RNF216: variants seen among roughly 807,000 people sequenced by gnomAD.
RNF216 encodes the protein E3 ubiquitin-protein ligase RNF216.
In RNF216, 72 loss-of-function variants were observed where a neutral mutation model predicts 110.8. That is an observed-to-expected ratio of 0.65 (90% CI 0.54 to 0.79). The LOEUF (loss-of-function observed/expected upper bound fraction) is 0.79, where lower values mean the gene tolerates loss of function less well. Among genes scored for constraint, RNF216 ranks in the 30% least tolerant of loss-of-function variants. The pLI is 0.00. For missense variants in RNF216, 1,342 were observed against 1,141.2 expected, an observed-to-expected ratio of 1.18 and a Z score of -2.54; for synonymous variants, 495 against 407.5, an observed-to-expected ratio of 1.21 and a Z score of -2.59.
chr7:5,708,089 C>T (rs981587610), intron 13 of RNF216, among the ~76,000 whole-genome samples: 1 of 152,150 alleles, frequency 6.6e-6, no homozygotes, highest in African/African-American at 2.4e-5. Flanking sequence ...AGTGTATCGC[C>T]TTGTGGCTGG....
intron 9 of RNF216, among the ~76,000 whole-genome samples, chr7:5,718,707 T>C (rs1223189033): frequency 6.6e-6 from 1 of 152,112 alleles, no homozygotes; most frequent in South Asian, 2.1e-4. Context: ...TGTGCCACCA[T>C]GCCCAGCTAA....
In RNF216 at chr7:5,711,772, G is replaced by A. The variant is rs759994976; in HGVS notation, c.2050C>T (p.His684Tyr). 3.7e-6 allele frequency: 6 copies of A among 1,613,306 alleles called. No individual in the cohort carries two copies. Among genetic ancestry groups the A allele is most frequent in the Admixed American group, 1.7e-5 (1 of 59,906 alleles). ...ATGTGCCTCCCTACCTTTCGGCAGT[G>A]AGGATTAGGACAGCTGAACCTCTTC... is the stretch of plus-strand genomic sequence containing the variant. ...DVKRFSCPNP[H>Y]CRKETCRKCQ... The change falls in exon 13 of 17, where the codon CAC becomes TAC. Residue 684 changes from histidine to tyrosine, a missense_variant. Transcript: ENST00000389902.
At chr7:5,775,923 T>C (rs145235855) in intron 1 of RNF216, among the ~76,000 whole-genome samples, 3 of 151,984 alleles carry the variant, frequency 2.0e-5, no homozygotes, top group African/African-American at 4.8e-5. Context: ...TGGAAGAAGA[T>C]GACATGCCCG....
At chr7:5,726,965 G>A (rs1197461635) in intron 7 of RNF216, among the ~76,000 whole-genome samples, 1 of 152,050 alleles carries the variant, frequency 6.6e-6, no homozygotes, top group Non-Finnish European at 1.5e-5. Flanking sequence ...AGGCCATTCC[G>A]CCTGCAAGAG....
chr7:5,738,842 GA>G, intron 5 of RNF216, among the ~76,000 whole-genome samples: 1 of 151,862 alleles, frequency 6.6e-6, no homozygotes, highest in African/African-American at 2.4e-5. Context: ...TCAACGCTTA[GA>G]AACAACTCAG....
intron 13 of RNF216, among the ~76,000 whole-genome samples, chr7:5,656,793 G>A (rs184232851): frequency 1.2e-4 from 18 of 152,326 alleles, no homozygotes; most frequent in Admixed American, 1.1e-3. Flanking sequence ...GAATAAAGCA[G>A]AAGATTAAAT....
At chr7:5,634,741 G>A (rs184760320) in intron 15 of RNF216, among the ~76,000 whole-genome samples, 1 of 152,340 alleles carries the variant, frequency 6.6e-6, no homozygotes, top group African/African-American at 2.4e-5. Context: ...GTCCCGTCAG[G>A]GTCAAGTGCT....
chr7:5,687,407 A>G (rs980150155), intron 13 of RNF216, among the ~76,000 whole-genome samples: 1 of 151,364 alleles, frequency 6.6e-6, no homozygotes, highest in Non-Finnish European at 1.5e-5. Context: ...AAAAAAAAAA[A>G]AAAAAAAGAA....
At chr7:5,698,315 C>CCCCA (rs1483597417) in intron 13 of RNF216, among the ~76,000 whole-genome samples, 2 of 151,842 alleles carry the variant, frequency 1.3e-5, no homozygotes, top group Non-Finnish European at 2.9e-5. Flanking sequence ...CAACACAGAA[C>CCCCA]CCCAGGCTTC....
rs758182400 is a variant in RNF216, at chr7:5,741,811, T to C, written c.206A>G (p.Asn69Ser). ...ATTGGGTCGTGATCTCTGAGGTTTATTTGTCTAAGAAAAAATGAAATTTTA... is the reference window on the plus strand; with the variant it reads ...ATTGGGTCGTGATCTCTGAGGTTTACTTGTCTAAGAAAAAATGAAATTTTA... ...LDDDVILTETNKPQRSRPNLI... is the reference protein window; with the variant it reads ...LDDDVILTETSKPQRSRPNLI... The change falls in exon 4 of 17, where the codon AAT (asparagine) becomes AGT (serine). Residue 69 changes from asparagine (N) to serine (S), a missense_variant. Transcript: ENST00000389902. The C allele has an allele frequency of 4.4e-6, 7 of 1,592,018 alleles. No homozygotes were observed. The African/African-American group carries it at 5.4e-5, about 12-fold the overall frequency.
chr7:5,714,010 T>C (rs1792884896), intron 11 of RNF216, among the ~76,000 whole-genome samples: 1 of 152,236 alleles, frequency 6.6e-6, no homozygotes, highest in Non-Finnish European at 1.5e-5. Context: ...ACTTTATTTA[T>C]TTATTTTTCT....
At chr7:5,751,685 C>T (rs1209451981) in intron 3 of RNF216, among the ~76,000 whole-genome samples, 1 of 152,094 alleles carries the variant, frequency 6.6e-6, no homozygotes, top group Non-Finnish European at 1.5e-5. Context: ...TTTGAAAGGA[C>T]TTTGCTTCTG....
intron 1 of RNF216, among the ~76,000 whole-genome samples, chr7:5,779,269 G>A (rs112351486): frequency 1.3e-5 from 2 of 152,014 alleles, no homozygotes; most frequent in African/African-American, 2.4e-5. Flanking sequence ...TTTCTCCACA[G>A]GGGCTTCAGG....
chr7:5,713,876 G>A (rs184070354), intron 11 of RNF216, among the ~76,000 whole-genome samples: 1 of 152,232 alleles, frequency 6.6e-6, no homozygotes, highest in Middle Eastern at 3.2e-3. Context: ...CCATTTTACA[G>A]AGGAAGAAAC....
intron 1 of RNF216, among the ~76,000 whole-genome samples, chr7:5,768,890 T>A (rs1202568750): frequency 6.6e-6 from 1 of 151,818 alleles, no homozygotes; most frequent in East Asian, 1.9e-4. Context: ...CTTGATCTCC[T>A]GACCTCGTGA....
rs774186144 is a variant in RNF216 at position 5,739,328 on chromosome 7, T to A, written c.1069A>T (p.Asn357Tyr). The change falls in exon 5 of 17, where the codon AAT (asparagine) becomes TAT (tyrosine). Residue 357 changes from asparagine to tyrosine, a missense_variant. Physicochemically the swap from Asn to Tyr is moderately radical, Grantham distance 143 (BLOSUM62 -2). Coordinates refer to ENST00000389902, the MANE Select transcript of RNF216 (RefSeq NM_207111.4). ...TGAATTATTTCCTCAATAAACCCATTTGCTACATCTGGAAATCTTGCTTCC... is the reference window on the plus strand; with the variant it reads ...TGAATTATTTCCTCAATAAACCCATATGCTACATCTGGAAATCTTGCTTCC... ...ETEARFPDVA[N>Y]GFIEEIIHFK... The A allele has an allele frequency of 6.3e-7, 1 of 1,598,962 alleles. No individual in the cohort carries two copies. Among genetic ancestry groups the A allele is most frequent in the South Asian group, 1.1e-5 (1 of 87,424 alleles).
At chr7:5,769,415 C>T (rs979761173) in intron 1 of RNF216, among the ~76,000 whole-genome samples, 2 of 151,940 alleles carry the variant, frequency 1.3e-5, no homozygotes, top group Admixed American at 6.5e-5. Flanking sequence ...CGCGCCTGGC[C>T]GCAAATGCCT....
At chr7:5,729,671 T>A (rs1793973103) in intron 6 of RNF216, 75 bp from the exon 7 acceptor site, 3 of 1,217,408 alleles carry the variant, frequency 2.5e-6, no homozygotes, top group Admixed American at 4.2e-5. Context: ...TTTTAAGAAT[T>A]ACATGTGTAG....
chr7:5,647,777 C>T (rs886990205), intron 14 of RNF216, among the ~76,000 whole-genome samples: 5 of 152,170 alleles, frequency 3.3e-5, no homozygotes, highest in Non-Finnish European at 7.3e-5. Context: ...GATTTTACAT[C>T]TTAAATATTT....
Sources: gnomAD v4.1 joint callset for allele counts (sites outside exome capture counted in the v4.1 genomes callset) on GRCh38, gnomAD v4.1.1 for gene constraint, MANE v1.5 for transcripts, NCBI Gene and HGNC (gene_info 2026-07-23, HGNC 2026-07-21) for gene names.